The following SYNE2 variants were observed in gnomAD, a reference collection of about 807,000 sequenced individuals.
SYNE2 encodes nesprin-2.
A neutral mutation model predicts 856.3 loss-of-function variants in SYNE2; 431 were observed. The observed-to-expected ratio is 0.50, with a 90% CI of 0.47 to 0.55. SYNE2 has a LOEUF of 0.55. Among genes scored for constraint, SYNE2 ranks in the 20% least tolerant of loss-of-function variants. SYNE2 has a pLI of 0.00. For synonymous variants in SYNE2, 2,923 were observed against 2,872.3 expected (o/e 1.02, Z -0.56); for missense variants, 8,129 against 8,023.2 (o/e 1.01, Z -0.50).
chr14:64,030,357 A>T (rs184640549), intron 44 of SYNE2, among the ~76,000 whole-genome samples: 2 of 152,328 alleles, frequency 1.3e-5, no homozygotes, highest in East Asian at 3.9e-4. Flanking sequence ...CTATCCTAGT[A>T]CTTGGCTGTT....
In SYNE2 at chr14:63,995,113, G is replaced by T; in HGVS notation, c.2851G>T (p.Asp951Tyr). The change falls in exon 23 of 116, where the codon GAC becomes TAC. Residue 951 changes from aspartate to tyrosine, a missense_variant. Physicochemically the swap from Asp to Tyr is radical, Grantham distance 160. This residue lies in a region of SYNE2 where 2,422 missense variants were observed against 2,357.4 expected (regional missense o/e 1.03). Transcript: ENST00000555002. Reference sequence around the variant, plus strand: ...AGATATTGAAAAAGGAAAGCTTAGTGACAATATTTTAAAACTTGAAAAGCA... The same window carrying T: ...AGATATTGAAAAAGGAAAGCTTAGTTACAATATTTTAAAACTTGAAAAGCA... Reference protein sequence around the residue: ...KIDIEKGKLSDNILKLEKQIN... With the variant: ...KIDIEKGKLSYNILKLEKQIN... 6.3e-7 allele frequency: 1 copy of T among 1,595,620 alleles called. No homozygotes were observed. The highest frequency in any genetic ancestry group is 1.1e-5 in the South Asian group (1 of 88,708).
intron 85 of SYNE2, among the ~76,000 whole-genome samples, 188 bp from the exon 86 acceptor site, chr14:64,158,437 T>C (rs1382909059): frequency 6.6e-6 from 1 of 152,234 alleles, no homozygotes. Flanking sequence ...TTTCATTCAC[T>C]CATTATAAAA....
intron 19 of SYNE2, among the ~76,000 whole-genome samples, chr14:63,987,156 G>T (rs2096632616): frequency 6.6e-6 from 1 of 152,122 alleles, no homozygotes; most frequent in Non-Finnish European, 1.5e-5. Context: ...TCGGGAGGCT[G>T]AGGCAGGAGA....
chr14:63,935,305 A>G (rs942235175), intron 2 of SYNE2, among the ~76,000 whole-genome samples: 32 of 152,366 alleles, frequency 2.1e-4, no homozygotes, highest in African/African-American at 7.7e-4. Context: ...TCTATAACTA[A>G]TTTAAACTGG....
chr14:63,901,912 G>GA (rs2095342200), intron 1 of SYNE2, among the ~76,000 whole-genome samples: 1 of 152,144 alleles, frequency 6.6e-6, no homozygotes, highest in Non-Finnish European at 1.5e-5. Context: ...GTGACAGAAT[G>GA]AAAACTTGTC....
At chr14:64,216,563 C>A in intron 108 of SYNE2, 176 bp downstream of exon 108, 1 of 753,292 alleles carries the variant, frequency 1.3e-6, no homozygotes, top group Non-Finnish European at 2.3e-6. Context: ...AGAACCCCGG[C>A]AAAACCGATT....
intron 1 of SYNE2, among the ~76,000 whole-genome samples, chr14:63,894,187 T>C (rs934779289): frequency 1.3e-5 from 2 of 152,074 alleles, no homozygotes; most frequent in Non-Finnish European, 2.9e-5. Flanking sequence ...TTCTTTTTAA[T>C]GTGCTGGCAT....
intron 1 of SYNE2, among the ~76,000 whole-genome samples, chr14:63,779,325 CAAAT>C (rs3057793): frequency 0.02 from 2,784 of 139,306 alleles, 80 homozygotes; most frequent in African/African-American, 0.064. Flanking sequence ...AACTCCGTCT[CAAAT>C]AAATAAATAA....
Position 64,048,241 on chromosome 14 carries a change from G to T in SYNE2, c.7377+86G>T, listed in dbSNP as rs946374630. On this transcript the variant is annotated intron_variant, in intron 46 of 115. Transcript: ENST00000555002. ...TATTTTAATTGCCAAAAACTTGCTT[G>T]TACAGAGTGAAAAGTCTTATTTAAC... The T allele has an allele frequency of 3.7e-6, 5 of 1,363,636 alleles. No homozygotes were observed. In the African/African-American group the frequency reaches 5.9e-5, roughly 16 times the overall value. 84.5% of individuals were successfully genotyped at this position (1,363,636 alleles called of 1,614,324 possible).
In SYNE2 at chr14:64,021,462, C is replaced by T; in HGVS notation, c.5299C>T (p.Leu1767Phe). 2 of 1,614,086 alleles carry T rather than the reference C, an allele frequency of 1.2e-6. No homozygotes were observed. The highest frequency in any genetic ancestry group is 1.7e-6 in the Non-Finnish European group (2 of 1,180,022). Residue 1767 changes from leucine (L) to phenylalanine (F), a missense_variant, in exon 36 of 116, where the codon CTC becomes TTC. By Grantham distance (22) the Leu-to-Phe change is conservative. Coordinates refer to ENST00000555002, the MANE Select transcript of SYNE2 (RefSeq NM_182914.3). ...AKTQIGMTES[L>F]LKALSPSDSL... is the part of the protein sequence containing the mutation. ...GACCCAGATCGGGATGACTGAATCC[C>T]TCTTAAAAGCCCTGTCTCCTTCTGA...
At chr14:64,218,631 C>G in intron 109 of SYNE2, 119 bp downstream of exon 109, 1 of 923,614 alleles carries the variant, frequency 1.1e-6, no homozygotes, top group Non-Finnish European at 1.7e-6. Context: ...GGGGGACTTA[C>G]CCTACAACAA....
At chr14:64,161,471 G>T (rs921696975) in intron 87 of SYNE2, among the ~76,000 whole-genome samples, 7 of 152,134 alleles carry the variant, frequency 4.6e-5, no homozygotes, top group Admixed American at 6.5e-5. Context: ...AATTTTATTT[G>T]ATATAAATAC....
chr14:64,089,057 T>A (rs1229075223), intron 58 of SYNE2, among the ~76,000 whole-genome samples: 1 of 152,114 alleles, frequency 6.6e-6, no homozygotes, highest in Non-Finnish European at 1.5e-5. Context: ...TACTGCTTCA[T>A]TTTCTTATAA....
At position 64,142,048 on chromosome 14, in the gene SYNE2, G is replaced by T; in HGVS notation, c.15266G>T (p.Ser5089Ile). 6.2e-7 allele frequency: 1 copy of T among 1,614,118 alleles called. No individual in the cohort carries two copies. Among genetic ancestry groups the T allele is most frequent in the Admixed American group, 1.7e-5 (1 of 60,020 alleles). The change falls in exon 82 of 116, where the codon AGT becomes ATT. Residue 5089 changes from serine to isoleucine, a missense_variant. Coordinates refer to ENST00000555002, the MANE Select transcript of SYNE2 (RefSeq NM_182914.3). ...GATGAAGACTCCGTGCATTCACCAA[G>T]TTCTGCATCTCAAGTTAAACATCTT... ...TSDEDSVHSP[S>I]SASQVKHLLQ...
At chr14:63,911,508 C>G (rs2095473527) in intron 2 of SYNE2, among the ~76,000 whole-genome samples, 1 of 152,100 alleles carries the variant, frequency 6.6e-6, no homozygotes, top group Admixed American at 6.6e-5. Flanking sequence ...TCCTCACAAC[C>G]ACATGATGAA....
intron 1 of SYNE2, among the ~76,000 whole-genome samples, chr14:63,799,604 T>C (rs1888053304): frequency 6.6e-6 from 1 of 151,996 alleles, no homozygotes; most frequent in African/African-American, 2.4e-5. Context: ...CTCTGGAGGT[T>C]GAGGCAGGAG....
At chr14:64,107,690 ACCTTGTACGTCAAGCTAAGTGTT>A (rs1280823641) in intron 65 of SYNE2, 83 bp downstream of exon 65, 3 of 1,057,344 alleles carry the variant, frequency 2.8e-6, no homozygotes, top group Non-Finnish European at 4.5e-6. Flanking sequence ...GTCCTGCAAT[ACCTTGTACGTCAAGCTAAGTGTT>A]CCTTGTGAAC....
intron 66 of SYNE2, among the ~76,000 whole-genome samples, chr14:64,118,478 A>G (rs1304605687): frequency 6.6e-6 from 1 of 152,214 alleles, no homozygotes; most frequent in Non-Finnish European, 1.5e-5. Context: ...CTTGAGAAAG[A>G]GAAGGAAAAG....
At chr14:63,865,012 TACTAG>T (rs1446229657) in intron 1 of SYNE2, among the ~76,000 whole-genome samples, 1 of 150,208 alleles carries the variant, frequency 6.7e-6, no homozygotes, top group Non-Finnish European at 1.5e-5. Flanking sequence ...CTTTGCCATA[TACTAG>T]AGGTGTTATT....
Sources: allele counts gnomAD v4.1 joint callset (sites outside exome capture counted in the v4.1 genomes callset), GRCh38; gene constraint gnomAD v4.1.1; regional missense constraint gnomAD v4.1.1; transcripts MANE v1.5; gene names NCBI Gene and HGNC (gene_info 2026-07-23, HGNC 2026-07-21).